Variants in GPC3 observed in about 807,000 individuals in gnomAD.
GPC3 encodes glypican-3.
In GPC3, 3 loss-of-function variants were observed where a neutral mutation model predicts 34.4. That is an observed-to-expected ratio of 0.09 (90% CI 0.04 to 0.23). GPC3 has a LOEUF of 0.23. GPC3 is among the 10% of genes least tolerant of loss of function. The pLI is 1.00. For synonymous variants in GPC3, 177 were observed against 174.0 expected, an observed-to-expected ratio of 1.02 and a Z score of -0.13; for missense variants, 351 against 445.6, an observed-to-expected ratio of 0.79 and a Z score of 1.91.
chrX:133,722,406 A>G (rs771514716), intron 3 of GPC3, among the ~76,000 whole-genome samples: 14 of 111,786 alleles, frequency 1.3e-4, no homozygotes, highest in African/African-American at 4.2e-4. Flanking sequence ...AGTACAGGAT[A>G]CCACCACATA....
At chrX:133,661,560 ATCTCTCTTTCTCTCTCTCTCTCTCTC>A (rs2070717374) in intron 6 of GPC3, among the ~76,000 whole-genome samples, 144 bp downstream of exon 6, 1 of 60,654 alleles carries the variant, frequency 1.6e-5, no homozygotes, top group Non-Finnish European at 2.9e-5. Flanking sequence ...AGCTGGCTAT[ATCTCTCTTTCTCTCTCTCTCTCTCTC>A]TCTCTCTCTC....
intron 2 of GPC3, among the ~76,000 whole-genome samples, chrX:133,882,340 T>A (rs1221323352): frequency 8.9e-6 from 1 of 111,812 alleles, no homozygotes; most frequent in Non-Finnish European, 1.9e-5. Flanking sequence ...TAAAATTGTT[T>A]CTAGGTGCTG....
chrX:133,630,897 T>A (rs2070358576), intron 6 of GPC3, among the ~76,000 whole-genome samples: 2 of 111,967 alleles, frequency 1.8e-5, no homozygotes, highest in Admixed American at 1.9e-4. Context: ...TAATATATTT[T>A]GCTAGTCCCA....
At chrX:133,800,962 T>C (rs990873743) in intron 2 of GPC3, among the ~76,000 whole-genome samples, 2 of 112,170 alleles carry the variant, frequency 1.8e-5, no homozygotes, top group Non-Finnish European at 3.8e-5. Flanking sequence ...TACTCTAAGC[T>C]GCAATGATAC....
intron 2 of GPC3, among the ~76,000 whole-genome samples, chrX:133,786,924 T>C (rs1398962808): frequency 1.8e-5 from 2 of 111,232 alleles, no homozygotes; most frequent in African/African-American, 6.5e-5. Context: ...AAGTTCAAAG[T>C]CAAGTATTTT....
At chrX:133,567,772 A>C (rs1004013392) in intron 7 of GPC3, among the ~76,000 whole-genome samples, 11 of 112,089 alleles carry the variant, frequency 9.8e-5, no homozygotes, top group Non-Finnish European at 1.5e-4. Context: ...CAACAAATAA[A>C]AACTAAGGCC....
In GPC3 at chrX:133,591,733, A is replaced by C. The variant is rs765873133; in HGVS notation, c.1573+4707T>G. ...GGCCCTTGACAAGATCCCATGCCAA[A>C]CACTGTTTTAACAAGTTAAGTCACC... On this transcript the variant is annotated intron_variant, in intron 7 of 7. Coordinates refer to ENST00000370818, the MANE Select transcript of GPC3 (RefSeq NM_004484.4). Among the ~76,000 whole-genome samples the C allele has an allele frequency of 4.0e-4, 45 of 112,197 alleles. 1 individual carries two copies. In the South Asian group the frequency reaches 0.017, roughly 42 times the overall value.
At chrX:133,743,513 C>G (rs1490933596) in intron 3 of GPC3, among the ~76,000 whole-genome samples, 1 of 112,474 alleles carries the variant, frequency 8.9e-6, no homozygotes, top group African/African-American at 3.2e-5. Flanking sequence ...GCCAAGGTTA[C>G]TTGTGGTGCC....
At chrX:133,640,843 T>C (rs2070472968) in intron 6 of GPC3, among the ~76,000 whole-genome samples, 1 of 111,637 alleles carries the variant, frequency 9.0e-6, no homozygotes, top group African/African-American at 3.3e-5. Context: ...CCACCCACAG[T>C]AACTAATTGT....
At chrX:133,569,259 C>T (rs144612578) in intron 7 of GPC3, among the ~76,000 whole-genome samples, 35 of 112,249 alleles carry the variant, frequency 3.1e-4, no homozygotes, top group Admixed American at 2.8e-4. Flanking sequence ...AATGAATGAA[C>T]AAGCCTGAAG....
At chrX:133,597,597 G>A (rs974709925) in intron 6 of GPC3, among the ~76,000 whole-genome samples, 13 of 111,289 alleles carry the variant, frequency 1.2e-4, no homozygotes, top group Admixed American at 1.2e-3. Context: ...GGGTTTCTGC[G>A]GTTTCCATCG....
At chrX:133,579,112 C>T (rs2069711795) in intron 7 of GPC3, among the ~76,000 whole-genome samples, 1 of 111,854 alleles carries the variant, frequency 8.9e-6, no homozygotes, top group African/African-American at 3.3e-5. Context: ...ACTATCCTGC[C>T]AGCCTACAAT....
intron 2 of GPC3, among the ~76,000 whole-genome samples, chrX:133,878,496 A>G (rs2076027192): frequency 8.9e-6 from 1 of 112,447 alleles, no homozygotes; most frequent in Non-Finnish European, 1.9e-5. Flanking sequence ...CAAAAATTAA[A>G]TAATCCAAGT....
chrX:133,615,526 T>C (rs1445631950), intron 6 of GPC3, among the ~76,000 whole-genome samples: 2 of 110,125 alleles, frequency 1.8e-5, no homozygotes, highest in African/African-American at 6.6e-5. Flanking sequence ...ACACCACATG[T>C]TCTCACTCAT....
In GPC3 at chrX:133,671,094, A is replaced by G. The variant is rs1284340881; in HGVS notation, c.1293-9244T>C. 3 of 678,994 alleles carry G rather than the reference A, an allele frequency of 4.4e-6. No individual in the cohort carries two copies. The Admixed American group carries it at 6.7e-5, about 15-fold the overall frequency. The allele number at this position is 678,994 out of a possible 1,213,427, so 56.0% of individuals were successfully genotyped here. On this transcript the variant is annotated intron_variant, in intron 5 of 7. Coordinates refer to ENST00000370818, the MANE Select transcript of GPC3 (RefSeq NM_004484.4). ...AACAGTGCCTAAGACAGAAATTTAGAGTGCCTAAGACAGGAAAAACTAGCC... is the reference window on the plus strand; with the variant it reads ...AACAGTGCCTAAGACAGAAATTTAGGGTGCCTAAGACAGGAAAAACTAGCC...
intron 1 of GPC3, among the ~76,000 whole-genome samples, chrX:133,982,279 G>A (rs1048440023): frequency 8.9e-6 from 1 of 112,052 alleles, no homozygotes. Flanking sequence ...GAGCTGTACT[G>A]AAAGTCAGTT....
chrX:133,639,394 G>C (rs1469330701), intron 6 of GPC3, among the ~76,000 whole-genome samples: 1 of 111,857 alleles, frequency 8.9e-6, no homozygotes, highest in Non-Finnish European at 1.9e-5. Context: ...GTGGTACTGT[G>C]TCTGATTCAT....
chrX:133,873,901 G>A (rs1190008147), intron 2 of GPC3, among the ~76,000 whole-genome samples: 2 of 111,482 alleles, frequency 1.8e-5, no homozygotes, highest in African/African-American at 3.3e-5. Context: ...GGTTCAATGT[G>A]ATGATAAGAT....
intron 3 of GPC3, among the ~76,000 whole-genome samples, chrX:133,708,265 T>C (rs2071235213): frequency 8.9e-6 from 1 of 112,185 alleles, no homozygotes; most frequent in Non-Finnish European, 1.9e-5. Context: ...GTTTTGTAAA[T>C]ACTCCTTCCC....
Sources: gnomAD v4.1 joint callset for allele counts (sites outside exome capture counted in the v4.1 genomes callset) on GRCh38, gnomAD v4.1.1 for gene constraint, MANE v1.5 for transcripts, NCBI Gene and HGNC (gene_info 2026-07-23, HGNC 2026-07-21) for gene names.